The following EEPD1 variants were observed in gnomAD, a reference collection of about 807,000 sequenced individuals.
EEPD1 encodes the protein endonuclease/exonuclease/phosphatase family domain containing 1.
EEPD1 carries 17 observed loss-of-function variants against 46.3 expected under a neutral mutation model. That is an observed-to-expected ratio of 0.37 (90% CI 0.25 to 0.55). The LOEUF is 0.55. Among genes scored for constraint, EEPD1 ranks in the 20% least tolerant of loss-of-function variants. The pLI, the probability that EEPD1 is intolerant of heterozygous loss-of-function variation, is 0.83. For synonymous variants in EEPD1, 313 were observed against 315.6 expected, an observed-to-expected ratio of 0.99 and a Z score of 0.09; for missense variants, 673 against 745.6, an observed-to-expected ratio of 0.90 and a Z score of 1.13.
rs535601922 is a variant in EEPD1, at chr7:36,265,553, A to T, written c.931-15562A>T. Among the ~76,000 whole-genome samples, 6 of 152,316 alleles carry T rather than the reference A, an allele frequency of 3.9e-5. 1 individual carries two copies. In the South Asian group the frequency reaches 1.2e-3, roughly 32 times the overall value. The stretch of plus-strand genomic sequence containing the variant: ...TAACTCATTTTCTTTGGATTTGAGT[A>T]CCTAAATAATTATTAATCCTTTCCC... On this transcript the variant is annotated intron_variant, in intron 3 of 7. Coordinates refer to ENST00000242108, the MANE Select transcript of EEPD1 (RefSeq NM_030636.3).
At chr7:36,157,056 A>G (rs936819374) in intron 2 of EEPD1, among the ~76,000 whole-genome samples, 10 of 152,210 alleles carry the variant, frequency 6.6e-5, no homozygotes, top group Admixed American at 2.0e-4. Context: ...TATGGTAACT[A>G]TTTACATAAC....
rs1784755254 is a variant in EEPD1, at chr7:36,153,407, CGGCGG to C, written c.-459_-455del. ...GCCGCCGCAAGCCCCGGTGCAGCCT[CGGCGG>C]CGGGTTTCGCCGCCGCTGCCGCCGC... On this transcript the variant is annotated 5_prime_UTR_variant, in exon 1 of 8. Transcript: ENST00000242108. The C allele has an allele frequency of 6.6e-6, 1 of 152,184 alleles. No homozygotes were observed. Among genetic ancestry groups the C allele is most frequent in the Non-Finnish European group, 1.5e-5 (1 of 68,052 alleles). The allele number at this position is 152,184 out of a possible 1,614,324, so 9.4% of individuals were successfully genotyped here. A position where few individuals can be genotyped will look rare whatever the true frequency, so the allele number is the denominator to read the frequency against.
chr7:36,237,053 T>G (rs577414168), intron 2 of EEPD1, among the ~76,000 whole-genome samples: 1 of 152,292 alleles, frequency 6.6e-6, no homozygotes, highest in Non-Finnish European at 1.5e-5. Flanking sequence ...GCAGTATCAT[T>G]TCTGAAGTCA....
intron 2 of EEPD1, among the ~76,000 whole-genome samples, chr7:36,208,428 T>TAAAAC (rs1785863557): frequency 6.6e-6 from 1 of 152,230 alleles, no homozygotes; most frequent in Non-Finnish European, 1.5e-5. Context: ...TCACAGTGTT[T>TAAAAC]GGCTGTGGAT....
intron 2 of EEPD1, among the ~76,000 whole-genome samples, chr7:36,237,813 T>C (rs572663737): frequency 1.3e-5 from 2 of 152,100 alleles, no homozygotes; most frequent in South Asian, 2.1e-4. Context: ...TAGCTAGATG[T>C]AGCAGCACAC....
intron 2 of EEPD1, among the ~76,000 whole-genome samples, chr7:36,227,310 A>G (rs750634982): frequency 6.6e-6 from 1 of 152,238 alleles, no homozygotes. Context: ...CAAACCCGCT[A>G]AGAACAGTTA....
intron 5 of EEPD1, 27 bp from the exon 6 acceptor site, chr7:36,287,612 C>G: frequency 6.2e-7 from 1 of 1,608,606 alleles, no homozygotes; most frequent in Non-Finnish European, 8.5e-7. Flanking sequence ...TGAGCCTCTC[C>G]CTGTTGCTTT....
intron 2 of EEPD1, among the ~76,000 whole-genome samples, chr7:36,171,024 C>T (rs1274088790): frequency 6.6e-6 from 1 of 152,202 alleles, no homozygotes; most frequent in Non-Finnish European, 1.5e-5. Context: ...GAGGCTCAAG[C>T]AATCCTCCTG....
At chr7:36,211,613 G>A (rs10951464) in intron 2 of EEPD1, among the ~76,000 whole-genome samples, 94,473 of 152,036 alleles carry the variant, frequency 0.62, 29,540 homozygotes, top group Admixed American at 0.68. Flanking sequence ...AGAGCAGTGG[G>A]TTCGACTACT....
rs184142587 is a variant in EEPD1 at position 36,264,281 on chromosome 7, G to A, written c.931-16834G>A. On this transcript the variant is annotated intron_variant, in intron 3 of 7. Transcript: ENST00000242108. ...TCCTTCCTTAGAGTTGCTTCAGGGG[G>A]AAGCCCGCAGTGGGGTCAGGACGAT... Among the ~76,000 whole-genome samples, 471 of 152,286 alleles carry A rather than the reference G, an allele frequency of 3.1e-3. 3 individuals carry two copies. The highest frequency in any genetic ancestry group is 4.5e-3 in the Non-Finnish European group (309 of 68,022).
chr7:36,291,281 A>T (rs1402345513), intron 6 of EEPD1, among the ~76,000 whole-genome samples: 1 of 152,136 alleles, frequency 6.6e-6, no homozygotes, highest in Non-Finnish European at 1.5e-5. Flanking sequence ...TGTTGCTCAC[A>T]TATTTATTGA....
At chr7:36,277,729 A>C (rs998166215) in intron 3 of EEPD1, among the ~76,000 whole-genome samples, 1 of 152,236 alleles carries the variant, frequency 6.6e-6, no homozygotes, top group Non-Finnish European at 1.5e-5. Flanking sequence ...ATTAGGACAT[A>C]GAATGCTTGT....
chr7:36,204,198 C>T (rs1340453561), intron 2 of EEPD1, among the ~76,000 whole-genome samples: 1 of 151,408 alleles, frequency 6.6e-6, no homozygotes, highest in Non-Finnish European at 1.5e-5. Flanking sequence ...CCACACCCAG[C>T]CAATTAAAAA....
chr7:36,154,741 C>G lies in EEPD1; in HGVS notation c.417C>G (p.Ile139Met), dbSNP rs756923975. 1 of 1,614,100 alleles carries G rather than the reference C, an allele frequency of 6.2e-7. No homozygotes were observed. The highest frequency in any genetic ancestry group is 8.5e-7 in the Non-Finnish European group (1 of 1,180,032). Reference sequence around the variant, plus strand: ...TGCCCCTCACCCCACGTGTTAACATCAACACAGCCACCCCGGCCCAGCTCA... The same window carrying G: ...TGCCCCTCACCCCACGTGTTAACATGAACACAGCCACCCCGGCCCAGCTCA... ...TAVPLTPRVN[I>M]NTATPAQLMS... The change falls in exon 2 of 8, where the codon ATC becomes ATG. Residue 139 changes from isoleucine to methionine, a missense_variant. Transcript: ENST00000242108. The surrounding 1 kb of genome is among the most constrained non-coding windows in gnomAD (Gnocchi z 4.2).
intron 2 of EEPD1, among the ~76,000 whole-genome samples, chr7:36,156,341 A>T (rs908620819): frequency 1.3e-5 from 2 of 152,168 alleles, no homozygotes; most frequent in African/African-American, 4.8e-5. Context: ...GGGACTCCAC[A>T]CTGGGTCAGG....
intron 3 of EEPD1, among the ~76,000 whole-genome samples, chr7:36,244,871 C>G (rs1041258007): frequency 2.7e-5 from 4 of 147,316 alleles, no homozygotes; most frequent in African/African-American, 5.0e-5. Flanking sequence ...ATCCTGAGTT[C>G]GAGCAATTCT....
chr7:36,241,901 T>A (rs1317656404), intron 3 of EEPD1, among the ~76,000 whole-genome samples: 1 of 152,178 alleles, frequency 6.6e-6, no homozygotes, highest in Non-Finnish European at 1.5e-5. Flanking sequence ...TTATATCTTT[T>A]GAGCTGTGTG....
At chr7:36,158,721 G>A (rs192463765) in intron 2 of EEPD1, among the ~76,000 whole-genome samples, 1 of 152,302 alleles carries the variant, frequency 6.6e-6, no homozygotes, top group Non-Finnish European at 1.5e-5. Flanking sequence ...AAGATTAAAG[G>A]GGAATGTTCC....
intron 2 of EEPD1, among the ~76,000 whole-genome samples, chr7:36,196,851 G>A (rs1583801825): frequency 6.6e-6 from 1 of 152,056 alleles, no homozygotes; most frequent in South Asian, 2.1e-4. Flanking sequence ...GGGAAGTGAG[G>A]AGCGTCTCTG....
Sources: allele counts gnomAD v4.1 joint callset (sites outside exome capture counted in the v4.1 genomes callset), GRCh38; gene constraint gnomAD v4.1.1; non-coding constraint Gnocchi (gnomAD v3.1); transcripts MANE v1.5; gene names NCBI Gene and HGNC (gene_info 2026-07-23, HGNC 2026-07-21).